Variants in TSPAN9 observed in about 807,000 individuals in gnomAD.
The protein encoded by TSPAN9 is tetraspanin 9.
In TSPAN9, 16 loss-of-function variants were observed where a neutral mutation model predicts 31.0. The ratio of observed to expected loss-of-function variants is 0.52; its 90% CI spans 0.35 to 0.78. The LOEUF (loss-of-function observed/expected upper bound fraction) is 0.78, where lower values mean the gene tolerates loss of function less well. Among genes scored for constraint, TSPAN9 ranks in the 30% least tolerant of loss-of-function variants. TSPAN9 has a pLI of 0.01. For missense variants in TSPAN9, 272 were observed against 312.5 expected (o/e 0.87, Z 0.98); for synonymous variants, 145 against 121.6 (o/e 1.19, Z -1.27).
At chr12:3,255,536 G>A (rs1363682344) in intron 3 of TSPAN9, among the ~76,000 whole-genome samples, 2 of 152,212 alleles carry the variant, frequency 1.3e-5, no homozygotes, top group African/African-American at 4.8e-5. Flanking sequence ...CCACCCCAAA[G>A]GCACATGGCC....
intron 2 of TSPAN9, among the ~76,000 whole-genome samples, chr12:3,145,909 G>A (rs540947326): frequency 6.6e-6 from 1 of 152,348 alleles, no homozygotes; most frequent in East Asian, 1.9e-4. Flanking sequence ...GGGCACAGGG[G>A]AGGGAAGGCC....
At chr12:3,165,039 C>T (rs529943100) in intron 2 of TSPAN9, among the ~76,000 whole-genome samples, 2 of 152,130 alleles carry the variant, frequency 1.3e-5, no homozygotes, top group African/African-American at 2.4e-5. Context: ...GTGGCCTGGC[C>T]GTAGAGGGGT....
intron 2 of TSPAN9, among the ~76,000 whole-genome samples, chr12:3,101,750 T>C (rs767688128): frequency 6.6e-6 from 1 of 152,168 alleles, no homozygotes; most frequent in Non-Finnish European, 1.5e-5. Context: ...CCTTGTCCCA[T>C]TGTCTCCTGT....
intron 3 of TSPAN9, among the ~76,000 whole-genome samples, chr12:3,258,149 T>C (rs1037328794): frequency 3.9e-5 from 6 of 152,062 alleles, no homozygotes; most frequent in African/African-American, 1.4e-4. Flanking sequence ...TGAAAAGCAA[T>C]TGCAGGAAGA....
At chr12:3,268,764 G>C (rs1862599187) in intron 3 of TSPAN9, among the ~76,000 whole-genome samples, 2 of 96,866 alleles carry the variant, frequency 2.1e-5, no homozygotes, top group African/African-American at 3.6e-5. Flanking sequence ...GTGCGTTTCT[G>C]CAGCCTGCCC....
At chr12:3,197,739 G>A (rs2098367903) in intron 2 of TSPAN9, among the ~76,000 whole-genome samples, 1 of 109,686 alleles carries the variant, frequency 9.1e-6, no homozygotes, top group African/African-American at 4.1e-5. Flanking sequence ...CACCAGCACA[G>A]GCCACCACCA....
chr12:3,214,169 G>A (rs538322544), intron 3 of TSPAN9, among the ~76,000 whole-genome samples: 3 of 152,302 alleles, frequency 2.0e-5, no homozygotes, highest in African/African-American at 4.8e-5. Context: ...GTCTCTCTGG[G>A]CCCTGACATT....
chr12:3,118,401 A>G (rs1293668372), intron 2 of TSPAN9, among the ~76,000 whole-genome samples: 1 of 151,154 alleles, frequency 6.6e-6, no homozygotes, highest in Non-Finnish European at 1.5e-5. Context: ...AGCTGGGATG[A>G]CAGGCACCCA....
At position 3,286,143 on chromosome 12, in the gene TSPAN9, C is replaced by T. The variant is rs553532608; in HGVS notation, c.*3027C>T. On this transcript the variant is annotated 3_prime_UTR_variant, in exon 9 of 9. Coordinates refer to ENST00000011898, the MANE Select transcript of TSPAN9 (RefSeq NM_006675.5). The surrounding 1 kb of genome is among the most constrained non-coding windows in gnomAD (Gnocchi z 4.1). ...CTCCTCTCCAGCCCCTGCCCACCCA[C>T]TGGTGGAGGTGCTAACTAGCAGGGA... is the stretch of plus-strand genomic sequence containing the variant. 5.2e-5 allele frequency: 8 copies of T among 152,906 alleles called. No homozygotes were observed. The highest frequency in any genetic ancestry group is 1.0e-4 in the Non-Finnish European group (7 of 68,110). The allele number at this position is 152,906 out of a possible 1,614,324, so 9.5% of individuals were successfully genotyped here. A position where few individuals can be genotyped will look rare whatever the true frequency, so the allele number is the denominator to read the frequency against.
At chr12:3,122,371 G>A (rs2098325529) in intron 2 of TSPAN9, among the ~76,000 whole-genome samples, 1 of 151,858 alleles carries the variant, frequency 6.6e-6, no homozygotes, top group Non-Finnish European at 1.5e-5. Flanking sequence ...CTGGTGTGCA[G>A]TAGCACAATC....
chr12:3,101,747 C>A (rs1036987431), intron 2 of TSPAN9, among the ~76,000 whole-genome samples: 6 of 152,164 alleles, frequency 3.9e-5, no homozygotes, highest in Non-Finnish European at 7.4e-5. Context: ...GCACCTTGTC[C>A]CATTGTCTCC....
intron 3 of TSPAN9, among the ~76,000 whole-genome samples, chr12:3,247,554 G>A (rs1215213012): frequency 6.6e-6 from 1 of 152,182 alleles, no homozygotes; most frequent in East Asian, 1.9e-4. Flanking sequence ...GAGAAATGGA[G>A]TTTTCCAGTC....
chr12:3,242,033 C>T (rs1168749239), intron 3 of TSPAN9, among the ~76,000 whole-genome samples: 7 of 152,192 alleles, frequency 4.6e-5, no homozygotes, highest in African/African-American at 9.7e-5. Context: ...GTCAGCGAAT[C>T]GGGGGAGAGA....
At chr12:3,144,286 T>C (rs1041258919) in intron 2 of TSPAN9, among the ~76,000 whole-genome samples, 1 of 151,904 alleles carries the variant, frequency 6.6e-6, no homozygotes, top group Non-Finnish European at 1.5e-5. Flanking sequence ...TTTTTAGTAG[T>C]GACAGGGTTT....
intron 2 of TSPAN9, among the ~76,000 whole-genome samples, chr12:3,198,157 A>G (rs2098368322): frequency 1.3e-5 from 1 of 79,440 alleles, no homozygotes; most frequent in Non-Finnish European, 2.6e-5. Flanking sequence ...CCACCAGCAC[A>G]GGCCACCACC....
Position 3,270,729 on chromosome 12 carries a change from G to C in TSPAN9, c.64-7692G>C, listed in dbSNP as rs553270826. Among the ~76,000 whole-genome samples, 24 of 152,370 alleles carry C rather than the reference G, an allele frequency of 1.6e-4. No individual in the cohort carries two copies. In the East Asian group the frequency reaches 4.4e-3, roughly 28 times the overall value. On this transcript the variant is annotated intron_variant, in intron 3 of 8. Transcript: ENST00000011898. Reference sequence around the variant, plus strand: ...ACGCAGGGCCCTGACACCCCTGGAGGGGGGTAGGGGCTGTCCCCAAAGTCT... The same window carrying C: ...ACGCAGGGCCCTGACACCCCTGGAGCGGGGTAGGGGCTGTCCCCAAAGTCT...
intron 2 of TSPAN9, among the ~76,000 whole-genome samples, chr12:3,139,180 C>T (rs755192491): frequency 4.6e-5 from 7 of 152,134 alleles, no homozygotes; most frequent in Non-Finnish European, 7.4e-5. Flanking sequence ...TGGTGGGGGG[C>T]GGTGTCCAGG....
intron 2 of TSPAN9, among the ~76,000 whole-genome samples, chr12:3,149,196 G>A (rs1051451957): frequency 1.3e-5 from 2 of 152,208 alleles, no homozygotes; most frequent in African/African-American, 4.8e-5. Context: ...CTCCTCACCT[G>A]CCTCCAGGGT....
In TSPAN9 at chr12:3,224,766, A is replaced by C. The variant is rs570956369; in HGVS notation, c.63+23510A>C. The stretch of plus-strand genomic sequence containing the variant: ...CAGCTGTCGGGTCTGGTTTGACGTC[A>C]GCACGGGCCCCCTGACAGATTTCCC... On this transcript the variant is annotated intron_variant, in intron 3 of 8. Coordinates refer to ENST00000011898, the MANE Select transcript of TSPAN9 (RefSeq NM_006675.5). Among the ~76,000 whole-genome samples the C allele has an allele frequency of 2.6e-5, 4 of 152,368 alleles. No individual in the cohort carries two copies. In the East Asian group the frequency reaches 7.7e-4, roughly 29 times the overall value.
Sources: gnomAD v4.1 joint callset for allele counts (sites outside exome capture counted in the v4.1 genomes callset) on GRCh38, gnomAD v4.1.1 for gene constraint, Gnocchi (gnomAD v3.1) non-coding constraint, MANE v1.5 for transcripts, NCBI Gene and HGNC (gene_info 2026-07-23, HGNC 2026-07-21) for gene names.